Variants in FMN2 observed in about 807,000 individuals in gnomAD.
FMN2 encodes the protein formin 2.
FMN2 carries 51 observed loss-of-function variants against 142.3 expected under a neutral mutation model. That is an observed-to-expected ratio of 0.36 (90% confidence interval 0.29 to 0.45). The LOEUF (loss-of-function observed/expected upper bound fraction) is 0.45. Ranked by LOEUF, FMN2 falls within the 20% of genes least tolerant of loss-of-function variation. FMN2 has a pLI of 1.00. For synonymous variants in FMN2, 882 were observed against 869.8 expected (o/e 1.01, Z -0.25); for missense variants, 1,936 against 2,122.8 (o/e 0.91, Z 1.73).
At chr1:240,220,125 A>G (rs941769722) in intron 6 of FMN2, among the ~76,000 whole-genome samples, 1 of 152,190 alleles carries the variant, frequency 6.6e-6, no homozygotes, top group African/African-American at 2.4e-5. Context: ...CCCCAGTAAA[A>G]CAACAACTTA....
intron 6 of FMN2, among the ~76,000 whole-genome samples, chr1:240,237,113 CT>C (rs1179314932): frequency 6.6e-6 from 1 of 152,264 alleles, no homozygotes; most frequent in East Asian, 1.9e-4. Flanking sequence ...GGATTTGGAT[CT>C]TAGTTTCTTA....
rs115439485 is a variant in FMN2 at position 240,153,305 on chromosome 1, T to C, written c.1783-24616T>C. Reference sequence around the variant, plus strand: ...TGTTGTTATATTCATGGCAGGACTTTTTCGGGCAAAATTCTTATATCATCT... The same window carrying C: ...TGTTGTTATATTCATGGCAGGACTTCTTCGGGCAAAATTCTTATATCATCT... On this transcript the variant is annotated intron_variant, in intron 2 of 17. Transcript: ENST00000319653. Among the ~76,000 whole-genome samples the C allele has an allele frequency of 5.7e-3, 861 of 152,206 alleles. 4 individuals carry two copies. Among genetic ancestry groups the C allele is most frequent in the African/African-American group, 0.02 (814 of 41,498 alleles).
At chr1:240,257,513 T>A (rs1668486292) in intron 6 of FMN2, among the ~76,000 whole-genome samples, 1 of 152,216 alleles carries the variant, frequency 6.6e-6, no homozygotes, top group Admixed American at 6.5e-5. Flanking sequence ...GTACTTTTAT[T>A]TTGCGCTTCA....
chr1:240,184,977 C>CTCTTTCTCCCTCCTACACCTTT, intron 3 of FMN2, among the ~76,000 whole-genome samples: 1 of 100,898 alleles, frequency 9.9e-6, no homozygotes, highest in African/African-American at 3.2e-5. Flanking sequence ...CCTATACCTT[C>CTCTTTCTCCCTCCTACACCTTT]CCCTTCTCTT....
At chr1:240,424,096 T>C (rs1674857574) in intron 15 of FMN2, among the ~76,000 whole-genome samples, 1 of 152,194 alleles carries the variant, frequency 6.6e-6, no homozygotes, top group Non-Finnish European at 1.5e-5. Context: ...AACTGTTGAT[T>C]CTGATACGTC....
chr1:240,438,664 A>C (rs767904167), intron 16 of FMN2, among the ~76,000 whole-genome samples: 39 of 152,208 alleles, frequency 2.6e-4, no homozygotes, highest in Non-Finnish European at 4.6e-4. Context: ...CAGATGTCAA[A>C]ATTTTTTAAA....
At position 240,190,105 on chromosome 1, in the gene FMN2, A is replaced by G. The variant is rs377767243; in HGVS notation, c.1986+1843A>G. On this transcript the variant is annotated intron_variant, in intron 4 of 17. Transcript: ENST00000319653. ...TACATATTCATGTGTGTAACATTAT[A>G]GTGTTTTTCCTGAGCGATGGACCAT... Among the ~76,000 whole-genome samples, 37 of 152,334 alleles carry G rather than the reference A, an allele frequency of 2.4e-4. No individual in the cohort carries two copies. In the East Asian group the frequency reaches 6.8e-3, roughly 28 times the overall value.
chr1:240,198,191 G>T (rs2103366248), intron 4 of FMN2, among the ~76,000 whole-genome samples: 1 of 152,238 alleles, frequency 6.6e-6, no homozygotes, highest in Non-Finnish European at 1.5e-5. Context: ...AGTACCTCCT[G>T]CAACTCTAGC....
chr1:240,257,131 TG>T (rs1668474478), intron 6 of FMN2, among the ~76,000 whole-genome samples: 2 of 152,182 alleles, frequency 1.3e-5, no homozygotes, highest in Admixed American at 1.3e-4. Context: ...CGATCAGGCC[TG>T]GGATAAGTTT....
At chr1:240,400,874 G>C (rs1206720097) in intron 15 of FMN2, 1 of 152,322 alleles carries the variant, frequency 6.6e-6, no homozygotes, top group Admixed American at 6.6e-5. Flanking sequence ...TTTAATCTCA[G>C]CACTTTTGGA....
chr1:240,093,525 C>T lies in FMN2; in HGVS notation c.1416C>T (p.Asp472=), dbSNP rs1264045078. 1.3e-6 allele frequency: 2 copies of T among 1,578,672 alleles called. No homozygotes were observed. The highest frequency in any genetic ancestry group is 4.6e-5 in the East Asian group (2 of 43,064). ...CCCCGGCCAAGAAGCACCGGGCCGA[C>T]GGCGGCCTTGCGGCCGGCCTGAGCC... ...VAAPAKKHRA[D]GGLAAGLSRS... Residue 472 remains aspartate, a synonymous_variant, in exon 1 of 18, where the codon GAC becomes GAT. Transcript: ENST00000319653.
chr1:240,412,372 A>G (rs1459475874), intron 15 of FMN2, among the ~76,000 whole-genome samples: 1 of 152,200 alleles, frequency 6.6e-6, no homozygotes, highest in Non-Finnish European at 1.5e-5. Context: ...GAAACTGAGG[A>G]TAAGCTACTT....
At chr1:240,424,196 A>G (rs2184714) in intron 15 of FMN2, among the ~76,000 whole-genome samples, 1,576 of 152,336 alleles carry the variant, frequency 0.01, 26 homozygotes, top group African/African-American at 0.037. Flanking sequence ...ATAGAGTCAT[A>G]TGAAAGAGTC....
chr1:240,342,311 G>A lies in FMN2; in HGVS notation c.4765+8082G>A, dbSNP rs556402960. Among the ~76,000 whole-genome samples the A allele has an allele frequency of 1.4e-4, 21 of 152,162 alleles. No individual in the cohort carries two copies. The South Asian group carries it at 2.7e-3, about 20-fold the overall frequency. ...TTCTGTATTCACTTTTATATCTTAC[G>A]TTTTTCCTCACTGAAAATTATAGCA... On this transcript the variant is annotated intron_variant, in intron 13 of 17. Coordinates refer to ENST00000319653, the MANE Select transcript of FMN2 (RefSeq NM_020066.5).
chr1:240,295,222 A>ACACACACACACACT (rs1188239414), intron 8 of FMN2, among the ~76,000 whole-genome samples: 5 of 147,478 alleles, frequency 3.4e-5, no homozygotes, highest in African/African-American at 1.0e-4. Flanking sequence ...ACACACACAC[A>ACACACACACACACT]CACTCACACA....
chr1:240,345,510 G>T (rs1051630209), intron 13 of FMN2, among the ~76,000 whole-genome samples: 1 of 151,984 alleles, frequency 6.6e-6, no homozygotes, highest in African/African-American at 2.4e-5. Context: ...TTGCTCTGTC[G>T]CCCAGGCTGG....
intron 15 of FMN2, among the ~76,000 whole-genome samples, chr1:240,409,867 T>C (rs1028210455): frequency 4.6e-5 from 7 of 152,336 alleles, no homozygotes; most frequent in South Asian, 2.1e-4. Flanking sequence ...TAACCTATTA[T>C]GTATTTCAGG....
At position 240,093,369 on chromosome 1, in the gene FMN2, GACC is replaced by G; in HGVS notation, c.1267_1269del (p.Thr423del). On this transcript the variant is annotated inframe_deletion, in exon 1 of 18. Transcript: ENST00000319653. Reference sequence around the variant, plus strand: ...CGCTCATCACCCCCTGCTACATCAAGACCACCACCCGGCAGCTCAGCTCGCCCA... The same window carrying G: ...CGCTCATCACCCCCTGCTACATCAAGACCACCCGGCAGCTCAGCTCGCCCA... 6.2e-7 allele frequency: 1 copy of G among 1,612,968 alleles called. No individual in the cohort carries two copies. Among genetic ancestry groups the G allele is most frequent in the Non-Finnish European group, 8.5e-7 (1 of 1,179,542 alleles).
chr1:240,468,007 A>G (rs1424173635), intron 16 of FMN2, among the ~76,000 whole-genome samples: 1 of 152,040 alleles, frequency 6.6e-6, no homozygotes, highest in Non-Finnish European at 1.5e-5. Context: ...TCATTATCAT[A>G]TGGTTTGGTT....
Sources: gnomAD v4.1 joint callset for allele counts (sites outside exome capture counted in the v4.1 genomes callset) on GRCh38, gnomAD v4.1.1 for gene constraint, MANE v1.5 for transcripts, NCBI Gene and HGNC (gene_info 2026-07-23, HGNC 2026-07-21) for gene names.